The following AIG1 variants were observed in gnomAD, a reference collection of about 807,000 sequenced individuals.
AIG1 encodes the protein androgen induced 1.
Under a neutral mutation model 31.4 loss-of-function variants are expected in AIG1, and 23 were observed. The observed-to-expected ratio is 0.73, with a 90% CI of 0.53 to 1.04. The LOEUF is 1.04. AIG1 is among the 50% of genes least tolerant of loss of function. The pLI is 0.00. For missense variants in AIG1, 274 were observed against 295.0 expected, an observed-to-expected ratio of 0.93 and a Z score of 0.52; for synonymous variants, 100 against 110.5, an observed-to-expected ratio of 0.90 and a Z score of 0.60.
intron 1 of AIG1, among the ~76,000 whole-genome samples, chr6:143,131,619 A>T (rs1158090885): frequency 1.3e-5 from 2 of 152,204 alleles, no homozygotes; most frequent in Non-Finnish European, 2.9e-5. Context: ...AGACACAAGG[A>T]GCCGAGAGTG....
At chr6:143,259,011 G>T (rs1033909376) in intron 3 of AIG1, among the ~76,000 whole-genome samples, 6 of 152,196 alleles carry the variant, frequency 3.9e-5, no homozygotes, top group African/African-American at 1.4e-4. Flanking sequence ...AGACAAAAGG[G>T]CAGTGGATCC....
intron 3 of AIG1, among the ~76,000 whole-genome samples, chr6:143,194,468 A>G (rs145584754): frequency 8.5e-5 from 13 of 152,308 alleles, no homozygotes; most frequent in African/African-American, 2.6e-4. Context: ...AAATCGCCCT[A>G]TTATGTTGAT....
intron 1 of AIG1, among the ~76,000 whole-genome samples, chr6:143,123,826 T>C (rs1328574709): frequency 6.6e-6 from 1 of 152,228 alleles, no homozygotes; most frequent in Non-Finnish European, 1.5e-5. Flanking sequence ...TAGCCTTCTT[T>C]ATCTAACATA....
At chr6:143,134,089 C>T (rs1363936025) in intron 1 of AIG1, among the ~76,000 whole-genome samples, 1 of 151,944 alleles carries the variant, frequency 6.6e-6, no homozygotes, top group African/African-American at 2.4e-5. Context: ...GAATAAAAAC[C>T]ACTCTCTTTA....
rs545272343 is a variant in AIG1, at chr6:143,246,521, C to T, written c.400-37589C>T. 6.6e-5 allele frequency among the ~76,000 whole-genome samples: 10 copies of T among 152,272 alleles called. 1 individual carries two copies. The highest frequency in any genetic ancestry group is 2.4e-4 in the African/African-American group (10 of 41,548). ...ACCTCCCACTGGGTCCCTCCCACAACACATGGCAATTTAAGATGAGATTTA... is the reference window on the plus strand; with the variant it reads ...ACCTCCCACTGGGTCCCTCCCACAATACATGGCAATTTAAGATGAGATTTA... On this transcript the variant is annotated intron_variant, in intron 3 of 5. Transcript: ENST00000357847.
At chr6:143,322,688 T>G (rs888269832) in intron 4 of AIG1, among the ~76,000 whole-genome samples, 1 of 152,184 alleles carries the variant, frequency 6.6e-6, no homozygotes, top group Non-Finnish European at 1.5e-5. Flanking sequence ...CCAGGAAATG[T>G]GTTGGAGGAA....
At chr6:143,162,319 T>C (rs1786460159) in intron 2 of AIG1, among the ~76,000 whole-genome samples, 1 of 152,230 alleles carries the variant, frequency 6.6e-6, no homozygotes, top group Non-Finnish European at 1.5e-5. Context: ...GAAAATTCAA[T>C]ATTGTTAAAA....
At chr6:143,082,508 T>A (rs2128469664) in intron 1 of AIG1, among the ~76,000 whole-genome samples, 1 of 152,320 alleles carries the variant, frequency 6.6e-6, no homozygotes, top group East Asian at 1.9e-4. Context: ...AGCCCGATAT[T>A]TAAGCAAACG....
At chr6:143,176,751 T>C (rs1788207621) in intron 3 of AIG1, among the ~76,000 whole-genome samples, 1 of 152,244 alleles carries the variant, frequency 6.6e-6, no homozygotes, top group Non-Finnish European at 1.5e-5. Flanking sequence ...AGGCAGCTGG[T>C]GAGCAGTGCT....
chr6:143,184,913 C>G (rs1017974581), intron 3 of AIG1, among the ~76,000 whole-genome samples: 1 of 152,068 alleles, frequency 6.6e-6, no homozygotes, highest in Admixed American at 6.5e-5. Context: ...AATATTCAAT[C>G]TCGGCTGAGT....
At chr6:143,243,952 C>G (rs530774399) in intron 3 of AIG1, among the ~76,000 whole-genome samples, 1 of 152,306 alleles carries the variant, frequency 6.6e-6, no homozygotes, top group South Asian at 2.1e-4. Flanking sequence ...ATCCTTCTCA[C>G]CTCAGTGCTT....
intron 1 of AIG1, among the ~76,000 whole-genome samples, chr6:143,064,305 G>A (rs988694445): frequency 6.6e-6 from 1 of 152,340 alleles, no homozygotes; most frequent in African/African-American, 2.4e-5. Flanking sequence ...GAGCTTGTTG[G>A]AGGAAGATGT....
In AIG1 at chr6:143,293,698, T is replaced by C. The variant is rs1798215347; in HGVS notation, c.515+9473T>C. Among the ~76,000 whole-genome samples, 1 of 152,196 alleles carries C rather than the reference T, an allele frequency of 6.6e-6. No individual in the cohort carries two copies. The highest frequency in any genetic ancestry group is 6.5e-5 in the Admixed American group (1 of 15,276). ...GGTTCTCAGACATTCTGGGAGTACA[T>C]GAAGAACTAGAATTCCCCATGTGCT... On this transcript the variant is annotated intron_variant, in intron 4 of 5. Transcript: ENST00000357847. This position sits in a 1 kb window ranked among gnomAD's most constrained non-coding sequence, Gnocchi z 4.8.
In AIG1 at chr6:143,329,646, A is replaced by C. The variant is rs1236302389; in HGVS notation, c.516-3636A>C. ...CTTAAACAAGTAGTCAGCAGATGAC[A>C]GCCGGTGTGCCAAATCCAGCCCACC... is the stretch of plus-strand genomic sequence containing the variant. On this transcript the variant is annotated intron_variant, in intron 4 of 5. Transcript: ENST00000357847. This position sits in a 1 kb window ranked among gnomAD's most constrained non-coding sequence, Gnocchi z 4.9. Among the ~76,000 whole-genome samples the C allele has an allele frequency of 6.6e-6, 1 of 152,080 alleles. No homozygotes were observed. Among genetic ancestry groups the C allele is most frequent in the African/African-American group, 2.4e-5 (1 of 41,452 alleles).
chr6:143,135,028 A>G (rs776307518), intron 1 of AIG1, among the ~76,000 whole-genome samples: 59 of 152,200 alleles, frequency 3.9e-4, no homozygotes, highest in South Asian at 8.3e-4. Flanking sequence ...GCATCTGTAG[A>G]TATTGTCAGT....
rs1776826566 is a variant in AIG1 at position 143,328,820 on chromosome 6, G to A, written c.516-4462G>A. 6.6e-6 allele frequency among the ~76,000 whole-genome samples: 1 copy of A among 152,188 alleles called. No individual in the cohort carries two copies. The highest frequency in any genetic ancestry group is 1.5e-5 in the Non-Finnish European group (1 of 68,032). On this transcript the variant is annotated intron_variant, in intron 4 of 5. Transcript: ENST00000357847. This position sits in a 1 kb window ranked among gnomAD's most constrained non-coding sequence, Gnocchi z 4.0. ...TCCAAAAATCTTATTATGCTAATAT[G>A]TGCATATATATGTATGCACACATAT...
At chr6:143,305,511 C>G (rs1232979701) in intron 4 of AIG1, among the ~76,000 whole-genome samples, 1 of 152,116 alleles carries the variant, frequency 6.6e-6, no homozygotes, top group African/African-American at 2.4e-5. Context: ...GCAGGTTGTT[C>G]AGTTTCCATG....
intron 2 of AIG1, among the ~76,000 whole-genome samples, chr6:143,163,679 T>G (rs550138248): frequency 8.9e-4 from 136 of 152,310 alleles, no homozygotes; most frequent in Non-Finnish European, 1.7e-3. Context: ...CCAAATCCAC[T>G]CTTTGTGCTC....
chr6:143,236,303 G>A (rs544405409), intron 3 of AIG1, among the ~76,000 whole-genome samples: 3 of 152,322 alleles, frequency 2.0e-5, no homozygotes, highest in Non-Finnish European at 2.9e-5. Context: ...GGCCTCTGCC[G>A]TGAGTTTGCA....
Sources: allele counts gnomAD v4.1 joint callset (sites outside exome capture counted in the v4.1 genomes callset), GRCh38; gene constraint gnomAD v4.1.1; non-coding constraint Gnocchi (gnomAD v3.1); transcripts MANE v1.5; gene names NCBI Gene and HGNC (gene_info 2026-07-23, HGNC 2026-07-21).